Variants in ASIC2 observed in about 807,000 individuals in gnomAD.
ASIC2 encodes acid-sensing ion channel 2.
In ASIC2, 25 loss-of-function variants were observed where a neutral mutation model predicts 57.3. The observed-to-expected ratio is 0.44, with a 90% CI of 0.32 to 0.61. ASIC2 has a LOEUF of 0.61. Among genes scored for constraint, ASIC2 ranks in the 20% least tolerant of loss-of-function variants. The probability of loss-of-function intolerance (pLI) is 0.06; values close to 1 mark genes in which losing one functional copy is unlikely to be tolerated. For missense variants in ASIC2, 641 were observed against 738.1 expected, an observed-to-expected ratio of 0.87 and a Z score of 1.52; for synonymous variants, 319 against 307.5, an observed-to-expected ratio of 1.04 and a Z score of -0.39.
At chr17:33,391,151 T>C (rs1299132037) in intron 1 of ASIC2, among the ~76,000 whole-genome samples, 1 of 152,244 alleles carries the variant, frequency 6.6e-6, no homozygotes, top group Non-Finnish European at 1.5e-5. Flanking sequence ...AGTTATCTTG[T>C]CCACTATCCT....
intron 1 of ASIC2, among the ~76,000 whole-genome samples, chr17:33,446,665 T>C (rs1005614464): frequency 6.6e-6 from 1 of 152,308 alleles, no homozygotes; most frequent in Non-Finnish European, 1.5e-5. Context: ...TTATTGACTA[T>C]AGAGGCTATA....
chr17:33,157,089 A>G (rs1186161711), intron 1 of ASIC2, among the ~76,000 whole-genome samples: 1 of 152,076 alleles, frequency 6.6e-6, no homozygotes. Flanking sequence ...GACTGCAACT[A>G]ACTCATGAGA....
At chr17:33,173,759 G>T (rs972842423) in intron 1 of ASIC2, among the ~76,000 whole-genome samples, 2 of 152,172 alleles carry the variant, frequency 1.3e-5, no homozygotes, top group Non-Finnish European at 2.9e-5. Context: ...AAAGGCAGAA[G>T]AAACAGTACC....
At chr17:34,098,757 G>A (rs1257270858) in intron 1 of ASIC2, among the ~76,000 whole-genome samples, 1 of 152,154 alleles carries the variant, frequency 6.6e-6, no homozygotes, top group Non-Finnish European at 1.5e-5. Context: ...CTGGAAGTTT[G>A]GCTTGCATCA....
intron 1 of ASIC2, among the ~76,000 whole-genome samples, chr17:34,008,574 A>C (rs956141238): frequency 6.6e-6 from 1 of 152,202 alleles, no homozygotes; most frequent in Non-Finnish European, 1.5e-5. Context: ...TGTCTGTCTG[A>C]GAGAGAAAGA....
chr17:34,026,325 A>G (rs1907378049), intron 1 of ASIC2, among the ~76,000 whole-genome samples: 1 of 152,198 alleles, frequency 6.6e-6, no homozygotes, highest in Non-Finnish European at 1.5e-5. Context: ...CTAGCCATGC[A>G]TGAAGTTAAT....
intron 1 of ASIC2, among the ~76,000 whole-genome samples, chr17:33,343,496 T>C (rs12449721): frequency 0.2 from 30,542 of 152,110 alleles, 3,408 homozygotes; most frequent in East Asian, 0.39. Flanking sequence ...TTTTCGCATG[T>C]GTCCAAATCT....
intron 1 of ASIC2, chr17:34,069,341 CATT>C (rs1909304852): frequency 1.2e-5 from 1 of 80,134 alleles, no homozygotes; most frequent in African/African-American, 5.1e-5. Flanking sequence ...CTTTTTCTTT[CATT>C]TTTTTCTTTC....
intron 1 of ASIC2, among the ~76,000 whole-genome samples, chr17:33,734,004 C>T (rs1465456165): frequency 6.6e-6 from 1 of 152,192 alleles, no homozygotes; most frequent in African/African-American, 2.4e-5. Flanking sequence ...CCTTTCCCCT[C>T]CCCCTAGGCC....
chr17:33,203,090 C>T (rs1009019349), intron 1 of ASIC2, among the ~76,000 whole-genome samples: 1 of 152,206 alleles, frequency 6.6e-6, no homozygotes, highest in Admixed American at 6.5e-5. Context: ...AAACCAGAGA[C>T]ACATTGGCCC....
rs563281414 is a variant in ASIC2, at chr17:33,052,703, G to A, written c.988-24311C>T. ...CAAATCGTGCCCACTGAGCTCTAGC[G>A]GGTATCCAGAACATCTTCAGTAAGA... On this transcript the variant is annotated intron_variant, in intron 3 of 9. Coordinates refer to ENST00000225823, the MANE Select transcript of ASIC2 (RefSeq NM_183377.2). 11 of 152,250 alleles carry A rather than the reference G, an allele frequency of 7.2e-5. 1 individual carries two copies. In the South Asian group the frequency reaches 1.7e-3, roughly 23 times the overall value. The allele number at this position is 152,250 out of a possible 1,614,324, so 9.4% of individuals were successfully genotyped here.
intron 1 of ASIC2, chr17:34,039,951 C>T (rs1597988484): frequency 1.3e-5 from 16 of 1,242,038 alleles, no homozygotes; most frequent in Non-Finnish European, 1.7e-5. Flanking sequence ...CGGACCGCTC[C>T]GCTCTCCCCC....
At chr17:33,191,051 G>A (rs1392436423) in intron 1 of ASIC2, among the ~76,000 whole-genome samples, 1 of 152,132 alleles carries the variant, frequency 6.6e-6, no homozygotes, top group Non-Finnish European at 1.5e-5. Context: ...TTATTTGTAG[G>A]AGCCCCGAAC....
At chr17:33,748,357 C>A (rs924326887) in intron 1 of ASIC2, among the ~76,000 whole-genome samples, 3 of 152,228 alleles carry the variant, frequency 2.0e-5, no homozygotes, top group African/African-American at 7.2e-5. Flanking sequence ...TCCTTCAGTG[C>A]AGGGGCTTGG....
At chr17:33,526,335 T>A (rs1345228773) in intron 1 of ASIC2, among the ~76,000 whole-genome samples, 1 of 152,146 alleles carries the variant, frequency 6.6e-6, no homozygotes, top group Non-Finnish European at 1.5e-5. Context: ...ATCCTGATGA[T>A]CCTGATGGGG....
intron 3 of ASIC2, among the ~76,000 whole-genome samples, chr17:33,064,601 C>T (rs112713716): frequency 0.016 from 2,394 of 152,314 alleles, 50 homozygotes; most frequent in African/African-American, 0.053. Flanking sequence ...CAGTCTGCCC[C>T]TACTGGGGGG....
chr17:33,924,033 C>G (rs78006864), intron 1 of ASIC2, among the ~76,000 whole-genome samples: 1 of 152,218 alleles, frequency 6.6e-6, no homozygotes, highest in Admixed American at 6.5e-5. Flanking sequence ...GAATCCCTGG[C>G]CCCTGCTCCC....
chr17:33,189,066 T>C (rs1187762217), intron 1 of ASIC2, among the ~76,000 whole-genome samples: 1 of 152,162 alleles, frequency 6.6e-6, no homozygotes, highest in Non-Finnish European at 1.5e-5. Context: ...TAACATTTGC[T>C]TGATAAGTTA....
At chr17:33,158,398 C>T (rs1333545344) in intron 1 of ASIC2, among the ~76,000 whole-genome samples, 1 of 152,154 alleles carries the variant, frequency 6.6e-6, no homozygotes, top group East Asian at 1.9e-4. Flanking sequence ...GAGGTGTTCC[C>T]AGTGGGCTGC....
Sources: gnomAD v4.1 joint callset for allele counts (sites outside exome capture counted in the v4.1 genomes callset) on GRCh38, gnomAD v4.1.1 for gene constraint, MANE v1.5 for transcripts, NCBI Gene and HGNC (gene_info 2026-07-23, HGNC 2026-07-21) for gene names.